The following NTN1 variants were observed in gnomAD, a reference collection of about 807,000 sequenced individuals.
The protein encoded by NTN1 is netrin-1.
A neutral mutation model predicts 54.2 loss-of-function variants in NTN1; 11 were observed. That is an observed-to-expected ratio of 0.20 (90% CI 0.13 to 0.34). NTN1 has a LOEUF of 0.34. Among genes scored for constraint, NTN1 ranks in the 10% least tolerant of loss-of-function variants. NTN1 has a pLI of 1.00. For missense variants in NTN1, 740 were observed against 893.1 expected (o/e 0.83, Z 2.18); for synonymous variants, 371 against 382.0 (o/e 0.97, Z 0.33).
At chr17:9,102,526 G>A (rs1239970627) in intron 2 of NTN1, among the ~76,000 whole-genome samples, 6 of 152,202 alleles carry the variant, frequency 3.9e-5, no homozygotes, top group Non-Finnish European at 2.9e-5. Context: ...GACAATTCAA[G>A]ATGAGATTTG....
intron 2 of NTN1, among the ~76,000 whole-genome samples, chr17:9,112,551 C>A (rs964164187): frequency 9.9e-5 from 15 of 152,198 alleles, no homozygotes; most frequent in Admixed American, 7.9e-4. Context: ...TTAAAATGCA[C>A]CCCACCCCTC....
At chr17:9,172,127 A>G (rs1207558040) in intron 3 of NTN1, among the ~76,000 whole-genome samples, 1 of 152,008 alleles carries the variant, frequency 6.6e-6, no homozygotes, top group East Asian at 2.0e-4. Flanking sequence ...ACCTCAGGTG[A>G]TCCGCCCACC....
intron 2 of NTN1, among the ~76,000 whole-genome samples, chr17:9,138,714 G>A (rs2092288769): frequency 6.6e-6 from 1 of 152,206 alleles, no homozygotes; most frequent in African/African-American, 2.4e-5. Context: ...ATAAGGCCAG[G>A]CAGCTGTGTT....
At chr17:9,077,086 G>C (rs1313765564) in intron 2 of NTN1, among the ~76,000 whole-genome samples, 1 of 152,178 alleles carries the variant, frequency 6.6e-6, no homozygotes. Context: ...CATGTCTTCT[G>C]TTTGGGGCAT....
rs116833152 is a variant in NTN1, at chr17:9,089,678, G to T, written c.1018+66287G>T. ...TGCCTGCAAAAACCACCTTGAACGT[G>T]ATGGGTGCTTTCGGACTCTCAGGGC... On this transcript the variant is annotated intron_variant, in intron 2 of 6. Transcript: ENST00000173229. 4.0e-3 allele frequency among the ~76,000 whole-genome samples: 602 copies of T among 152,236 alleles called. 2 individuals carry two copies. Among genetic ancestry groups the T allele is most frequent in the African/African-American group, 0.014 (585 of 41,528 alleles).
At chr17:9,127,684 A>C (rs933836773) in intron 2 of NTN1, among the ~76,000 whole-genome samples, 12 of 135,970 alleles carry the variant, frequency 8.8e-5, no homozygotes, top group Admixed American at 5.7e-4. Context: ...GGCTTCCTGC[A>C]GCTCAGACGG....
At chr17:9,024,880 G>A (rs1225078187) in intron 2 of NTN1, among the ~76,000 whole-genome samples, 1 of 152,170 alleles carries the variant, frequency 6.6e-6, no homozygotes, top group Non-Finnish European at 1.5e-5. Flanking sequence ...GTTACACTCC[G>A]ACTTAGTAGT....
chr17:9,057,229 C>G (rs962697092), intron 2 of NTN1, among the ~76,000 whole-genome samples: 1 of 151,476 alleles, frequency 6.6e-6, no homozygotes, highest in Non-Finnish European at 1.5e-5. Flanking sequence ...TCCCCAGGGA[C>G]ACAGTTTCTC....
chr17:9,096,750 G>A (rs376339527), intron 2 of NTN1, among the ~76,000 whole-genome samples: 1 of 151,950 alleles, frequency 6.6e-6, no homozygotes, highest in Admixed American at 6.6e-5. Flanking sequence ...TCTTGCATTG[G>A]CTACACCATT....
At chr17:9,009,651 G>A in the NTN1 span, among the ~76,000 whole-genome samples, 80 of 152,264 alleles carry the variant, frequency 5.3e-4, no homozygotes, top group Middle Eastern at 0.017. Flanking sequence ...TCATTTTACT[G>A]ACATTTGGGG....
Position 9,221,147 on chromosome 17 carries a change from T to TGCCCC in NTN1, c.1412-21_1412-20insGCCCC. On this transcript the variant is annotated intron_variant, in intron 5 of 6. Transcript: ENST00000173229. The surrounding 1 kb of genome is among the most constrained non-coding windows in gnomAD (Gnocchi z 4.5). ...CAGCCTAATTAGTTTTTGTCTGTGC[T>TGCCCC]CCCCCCCCACCCCCCTGCAGACTGC... The TGCCCC allele has an allele frequency of 8.0e-5, 104 of 1,303,582 alleles. No homozygotes were observed. Among genetic ancestry groups the TGCCCC allele is most frequent in the Middle Eastern group, 2.1e-4 (1 of 4,686 alleles). 80.8% of individuals were successfully genotyped at this position (1,303,582 alleles called of 1,614,324 possible).
chr17:9,061,679 G>T (rs928507045), intron 2 of NTN1, among the ~76,000 whole-genome samples: 10 of 151,432 alleles, frequency 6.6e-5, no homozygotes, highest in Admixed American at 3.3e-4. Flanking sequence ...TTTTTTTGTT[G>T]TTGTTGTTGT....
chr17:9,182,487 C>A (rs771201824), intron 4 of NTN1, among the ~76,000 whole-genome samples: 9 of 152,202 alleles, frequency 5.9e-5, no homozygotes, highest in Non-Finnish European at 1.3e-4. Context: ...CAGCCCCTTG[C>A]GTGCTATCCT....
rs116305587 is a variant in NTN1, at chr17:9,067,622, G to A, written c.1018+44231G>A. 2.0e-3 allele frequency among the ~76,000 whole-genome samples: 297 copies of A among 152,208 alleles called. 1 individual carries two copies. The highest frequency in any genetic ancestry group is 6.4e-3 in the African/African-American group (265 of 41,532). ...CAGAATTAAGTCCAAACTCCTTTACGTGGAATTTGAGGCCCTTCTTGGTCT... is the reference window on the plus strand; with the variant it reads ...CAGAATTAAGTCCAAACTCCTTTACATGGAATTTGAGGCCCTTCTTGGTCT... On this transcript the variant is annotated intron_variant, in intron 2 of 6. Coordinates refer to ENST00000173229, the MANE Select transcript of NTN1 (RefSeq NM_004822.3).
rs370943781 is a variant in NTN1 at position 9,204,246 on chromosome 17, T to TTC, written c.1412-16905_1412-16904dup. ...TTTTCTTTCTCTTCTCTTCCTCTGT[T>TTC]TCTCTCTCTCTCTCTCTCCTTCTCT... On this transcript the variant is annotated intron_variant, in intron 5 of 6. Coordinates refer to ENST00000173229, the MANE Select transcript of NTN1 (RefSeq NM_004822.3). 3.7e-3 allele frequency among the ~76,000 whole-genome samples: 547 copies of TTC among 147,640 alleles called. 2 individuals are homozygous for TTC. The highest frequency in any genetic ancestry group is 6.8e-3 in the Middle Eastern group (2 of 292).
intron 2 of NTN1, among the ~76,000 whole-genome samples, chr17:9,059,828 CAAAAAA>C (rs34556932): frequency 0.049 from 6,919 of 140,830 alleles, 507 homozygotes; most frequent in African/African-American, 0.17. Context: ...ACCTCAATTA[CAAAAAA>C]AAAAAAAAAA....
intron 2 of NTN1, among the ~76,000 whole-genome samples, chr17:9,065,658 T>G (rs963456761): frequency 6.6e-6 from 1 of 152,204 alleles, no homozygotes; most frequent in African/African-American, 2.4e-5. Flanking sequence ...AGACCAGGCC[T>G]GGGTATAGCC....
At chr17:9,128,267 G>A (rs1452272160) in intron 2 of NTN1, among the ~76,000 whole-genome samples, 1 of 150,708 alleles carries the variant, frequency 6.6e-6, no homozygotes, top group East Asian at 1.9e-4. Context: ...CTGAGATCAT[G>A]CCACTGCATT....
intron 5 of NTN1, among the ~76,000 whole-genome samples, chr17:9,204,272 CTCTCTTTCTCTA>C (rs779571392): frequency 2.8e-5 from 4 of 142,072 alleles, no homozygotes; most frequent in Non-Finnish European, 3.1e-5. Context: ...CTCCTTCTCT[CTCTCTTTCTCTA>C]TCTCTTTCTC....
Sources: gnomAD v4.1 joint callset for allele counts (sites outside exome capture counted in the v4.1 genomes callset) on GRCh38, gnomAD v4.1.1 for gene constraint, Gnocchi (gnomAD v3.1) non-coding constraint, MANE v1.5 for transcripts, NCBI Gene and HGNC (gene_info 2026-07-23, HGNC 2026-07-21) for gene names.